RSL1D1: variants seen among roughly 807,000 people sequenced by gnomAD.
RSL1D1 encodes the protein ribosomal L1 domain-containing protein 1.
Under a neutral mutation model 44.6 loss-of-function variants are expected in RSL1D1, and 34 were observed. The ratio of observed to expected loss-of-function variants is 0.76; its 90% CI spans 0.58 to 1.02. RSL1D1 has a LOEUF of 1.02. RSL1D1 is among the 50% of genes least tolerant of loss of function. The probability of loss-of-function intolerance (pLI) is 0.00; values close to 1 mark genes in which losing one functional copy is unlikely to be tolerated. For missense variants in RSL1D1, 767 were observed against 568.1 expected (o/e 1.35, Z -3.56); for synonymous variants, 271 against 207.4 (o/e 1.31, Z -2.63).
intron 7 of RSL1D1, 47 bp downstream of exon 7, chr16:11,841,648 T>C (rs2053764440): frequency 6.4e-7 from 1 of 1,556,884 alleles, no homozygotes; most frequent in South Asian, 1.2e-5. Flanking sequence ...GTGACTGAAT[T>C]TACACCCTTC....
chr16:11,850,796 T>C (rs573193813), intron 1 of RSL1D1, among the ~76,000 whole-genome samples: 1 of 152,246 alleles, frequency 6.6e-6, no homozygotes, highest in East Asian at 1.9e-4. Flanking sequence ...TCCTGGCAAT[T>C]CTCCTGCCTC....
chr16:11,837,481 G>C lies in RSL1D1; in HGVS notation c.*306C>G. 1 of 210,420 alleles carries C rather than the reference G, an allele frequency of 4.8e-6. No homozygotes were observed. The highest frequency in any genetic ancestry group is 9.5e-6 in the Non-Finnish European group (1 of 104,850). The allele number at this position is 210,420 out of a possible 1,614,324, so 13.0% of individuals were successfully genotyped here. A position where few individuals can be genotyped will look rare whatever the true frequency, so the allele number is the denominator to read the frequency against. ...TTCTCCTGCCTCAGCCTCCCTAGTA[G>C]CTGGGATTACAGGTGTCCACCACCA... On this transcript the variant is annotated 3_prime_UTR_variant, in exon 9 of 9. Coordinates refer to ENST00000571133, the MANE Select transcript of RSL1D1 (RefSeq NM_015659.3).
At chr16:11,844,430 G>T (rs2053784386) in intron 5 of RSL1D1, among the ~76,000 whole-genome samples, 1 of 152,128 alleles carries the variant, frequency 6.6e-6, no homozygotes, top group Non-Finnish European at 1.5e-5. Flanking sequence ...AACAAGGCCT[G>T]AACTTCTAGC....
chr16:11,850,652 C>T (rs1009168535), intron 1 of RSL1D1, among the ~76,000 whole-genome samples: 2 of 152,182 alleles, frequency 1.3e-5, no homozygotes, highest in African/African-American at 4.8e-5. Flanking sequence ...ACTTCCAGTA[C>T]TGTGTGCAGA....
At chr16:11,850,541 A>G (rs1318151310) in intron 1 of RSL1D1, 123 bp from the exon 2 acceptor site, 1 of 943,336 alleles carries the variant, frequency 1.1e-6, no homozygotes, top group East Asian at 2.8e-5. Context: ...TTTCCCTTCC[A>G]ACTTCTATTT....
At chr16:11,841,152 G>T (rs1567418512) in intron 7 of RSL1D1, among the ~76,000 whole-genome samples, 3 of 152,220 alleles carry the variant, frequency 2.0e-5, no homozygotes, top group Admixed American at 2.0e-4. Context: ...GCTCATGCCT[G>T]TAATCCCAGC....
Position 11,837,790 on chromosome 16 carries a change from G to C in RSL1D1, c.1470C>G (p.Thr490=). 2 of 1,602,918 alleles carry C rather than the reference G, an allele frequency of 1.2e-6. No individual in the cohort carries two copies. The highest frequency in any genetic ancestry group is 8.5e-7 in the Non-Finnish European group (1 of 1,174,902). ...WPKKPKVPQS[T] Reference sequence around the variant, plus strand: ...CCTTCCAGTTGAATCACTGACTTTAGGTCGACTGGGGTACTTTGGGTTTTT... The same window carrying C: ...CCTTCCAGTTGAATCACTGACTTTACGTCGACTGGGGTACTTTGGGTTTTT... Residue 490 remains threonine (T), a synonymous_variant, in exon 9 of 9, where the codon ACC becomes ACG. Transcript: ENST00000571133.
At chr16:11,845,315 T>C (rs948991953) in intron 5 of RSL1D1, among the ~76,000 whole-genome samples, 3 of 152,134 alleles carry the variant, frequency 2.0e-5, no homozygotes, top group African/African-American at 4.8e-5. Flanking sequence ...TAGCCAGGTA[T>C]GGTGATGTGT....
rs111901125 is a variant in RSL1D1 at position 11,847,637 on chromosome 16, A to T, written c.384+31T>A. On this transcript the variant is annotated intron_variant, in intron 3 of 8. Transcript: ENST00000571133. ...ATTTCGCCTGAATTAAATCCTCTAA[A>T]TAACTTGAAAATATTAACCAGGCTT... 2.1e-3 allele frequency: 3,309 copies of T among 1,571,886 alleles called. 68 individuals are homozygous for T. In the African/African-American group the frequency reaches 0.04, roughly 19 times the overall value.
At chr16:11,846,639 C>G in intron 4 of RSL1D1, 37 bp from the exon 5 acceptor site, 4 of 1,606,072 alleles carry the variant, frequency 2.5e-6, no homozygotes, top group Non-Finnish European at 3.4e-6. Context: ...GAACACAATG[C>G]ATACACACCT....
intron 8 of RSL1D1, 151 bp from the exon 9 acceptor site, chr16:11,838,264 G>C: frequency 1.6e-6 from 1 of 639,848 alleles, no homozygotes; most frequent in African/African-American, 1.9e-5. Flanking sequence ...CACAATCTCA[G>C]TTCACTGCAA....
rs932149618 is a variant in RSL1D1 at position 11,837,024 on chromosome 16, A to C, written c.*763T>G. On this transcript the variant is annotated 3_prime_UTR_variant, in exon 9 of 9. Coordinates refer to ENST00000571133, the MANE Select transcript of RSL1D1 (RefSeq NM_015659.3). The stretch of plus-strand genomic sequence containing the variant: ...AATCTCACACTGTCACCCAGGCTAC[A>C]GCACAGTGGGGTGATCGTGGCTCAC... The C allele has an allele frequency of 1.3e-5, 2 of 152,212 alleles. No homozygotes were observed. Among genetic ancestry groups the C allele is most frequent in the African/African-American group, 4.8e-5 (2 of 41,466 alleles). 9.4% of individuals were successfully genotyped at this position (152,212 alleles called of 1,614,324 possible). A position where few individuals can be genotyped will look rare whatever the true frequency, so the allele number is the denominator to read the frequency against.
rs754625791 is a variant in RSL1D1 at position 11,837,863 on chromosome 16, G to A, written c.1397C>T (p.Pro466Leu). ...KKPEAKFFTT[P>L]SKSVRKASHT... ...GGAAGCTTTTCTCACAGATTTACTA[G>A]GAGTGGTGAAAAACTTGGCCTCTGG... is the stretch of plus-strand genomic sequence containing the variant. The change falls in exon 9 of 9, where the codon CCT becomes CTT. Residue 466 changes from proline to leucine, a missense_variant. Coordinates refer to ENST00000571133, the MANE Select transcript of RSL1D1 (RefSeq NM_015659.3). 5.0e-6 allele frequency: 8 copies of A among 1,614,088 alleles called. No individual in the cohort carries two copies. The highest frequency in any genetic ancestry group is 2.2e-5 in the East Asian group (1 of 44,874).
intron 8 of RSL1D1, 98 bp downstream of exon 8, chr16:11,839,597 C>G: frequency 6.8e-7 from 1 of 1,476,488 alleles, no homozygotes; most frequent in Non-Finnish European, 9.0e-7. Context: ...TTTGGGTTCA[C>G]TCTAGTATTT....
intron 7 of RSL1D1, among the ~76,000 whole-genome samples, chr16:11,841,168 G>A (rs2053761564): frequency 6.6e-6 from 1 of 152,156 alleles, no homozygotes; most frequent in Non-Finnish European, 1.5e-5. Flanking sequence ...CCAGCACTTT[G>A]GGAGCCCAAG....
intron 5 of RSL1D1, among the ~76,000 whole-genome samples, chr16:11,843,979 A>AGAAGCCCAGTGG (rs533360619): frequency 9.7e-4 from 148 of 151,920 alleles, no homozygotes; most frequent in Middle Eastern, 3.4e-3. Context: ...GAGTGCAGGC[A>AGAAGCCCAGTGG]GAAGCCCAGT....
At chr16:11,849,976 C>T (rs1448120732) in intron 2 of RSL1D1, among the ~76,000 whole-genome samples, 4 of 152,114 alleles carry the variant, frequency 2.6e-5, no homozygotes, top group African/African-American at 4.8e-5. Flanking sequence ...TACAGGCACC[C>T]GCCATCATGC....
rs1417427512 is a variant in RSL1D1 at position 11,836,977 on chromosome 16, T to C, written c.*810A>G. On this transcript the variant is annotated 3_prime_UTR_variant, in exon 9 of 9. Coordinates refer to ENST00000571133, the MANE Select transcript of RSL1D1 (RefSeq NM_015659.3). Reference sequence around the variant, plus strand: ...TATACTCAGAAGCAAAGCAATGTTATACTTTGTTTTTTCTGAGACAGAATC... The same window carrying C: ...TATACTCAGAAGCAAAGCAATGTTACACTTTGTTTTTTCTGAGACAGAATC... 1.3e-5 allele frequency: 2 copies of C among 152,106 alleles called. No homozygotes were observed. Among genetic ancestry groups the C allele is most frequent in the Non-Finnish European group, 2.9e-5 (2 of 68,046 alleles). The allele number at this position is 152,106 out of a possible 1,614,324, so 9.4% of individuals were successfully genotyped here.
At chr16:11,850,452 G>C in intron 1 of RSL1D1, 34 bp from the exon 2 acceptor site, 1 of 1,581,080 alleles carries the variant, frequency 6.3e-7, no homozygotes, top group Non-Finnish European at 8.6e-7. Flanking sequence ...TAAGTGAAAT[G>C]TTTTCACAAT....
Sources: allele counts gnomAD v4.1 joint callset (sites outside exome capture counted in the v4.1 genomes callset), GRCh38; gene constraint gnomAD v4.1.1; transcripts MANE v1.5; gene names NCBI Gene and HGNC (gene_info 2026-07-23, HGNC 2026-07-21).